The following AKAP6 variants were observed in gnomAD, a reference collection of about 807,000 sequenced individuals.
The protein encoded by AKAP6 is A-kinase anchoring protein 6, also known as A-kinase anchor protein 6.
Under a neutral mutation model 188.5 loss-of-function variants are expected in AKAP6, and 58 were observed. That is an observed-to-expected ratio of 0.31 (90% CI 0.25 to 0.38). The LOEUF (loss-of-function observed/expected upper bound fraction) is 0.38. Among genes scored for constraint, AKAP6 ranks in the 10% least tolerant of loss-of-function variants. AKAP6 has a pLI of 1.00. For synonymous variants in AKAP6, 989 were observed against 998.6 expected, an observed-to-expected ratio of 0.99 and a Z score of 0.18; for missense variants, 2,710 against 2,740.0, an observed-to-expected ratio of 0.99 and a Z score of 0.24.
chr14:32,478,516 G>T (rs1351472260), intron 2 of AKAP6, among the ~76,000 whole-genome samples: 1 of 152,076 alleles, frequency 6.6e-6, no homozygotes, highest in Non-Finnish European at 1.5e-5. Flanking sequence ...ACCAAATGTG[G>T]TAAAAGACAC....
intron 7 of AKAP6, among the ~76,000 whole-genome samples, chr14:32,643,480 G>A (rs1056111130): frequency 2.0e-5 from 3 of 151,818 alleles, no homozygotes; most frequent in Non-Finnish European, 4.4e-5. Context: ...GCTAATTTTT[G>A]TATCTTTAGT....
intron 2 of AKAP6, among the ~76,000 whole-genome samples, chr14:32,505,566 T>C (rs1406696419): frequency 2.0e-5 from 3 of 152,158 alleles, no homozygotes; most frequent in East Asian, 1.9e-4. Flanking sequence ...CCAAGCCATA[T>C]TGGAGCCTAA....
chr14:32,730,420 T>C (rs1412103759), intron 9 of AKAP6, among the ~76,000 whole-genome samples: 2 of 152,178 alleles, frequency 1.3e-5, no homozygotes, highest in Non-Finnish European at 2.9e-5. Flanking sequence ...ACAGAGAAGA[T>C]TGGTTTATTA....
In AKAP6 at chr14:32,516,647, A is replaced by G. The variant is rs528282725; in HGVS notation, c.325-18907A>G. 8.4e-4 allele frequency among the ~76,000 whole-genome samples: 128 copies of G among 152,312 alleles called. 1 individual carries two copies. Among genetic ancestry groups the G allele is most frequent in the African/African-American group, 2.9e-3 (119 of 41,570 alleles). On this transcript the variant is annotated intron_variant, in intron 2 of 13. Transcript: ENST00000280979. ...AGATCTTCTAATTCTATTACCACAA[A>G]TTTTTGGGGTGGAAGAAAGGAAATA... is the stretch of plus-strand genomic sequence containing the variant.
intron 2 of AKAP6, among the ~76,000 whole-genome samples, chr14:32,439,351 TTC>T (rs1425132867): frequency 6.6e-5 from 10 of 152,268 alleles, no homozygotes; most frequent in African/African-American, 2.2e-4. Context: ...TAGGAGAGGA[TTC>T]TCTGTCACCA....
chr14:32,463,415 G>T (rs1891420547), intron 2 of AKAP6, among the ~76,000 whole-genome samples: 1 of 152,198 alleles, frequency 6.6e-6, no homozygotes, highest in South Asian at 2.1e-4. Flanking sequence ...AGACCACAGT[G>T]AAATCAAATT....
At chr14:32,582,355 G>C (rs1307949850) in intron 5 of AKAP6, among the ~76,000 whole-genome samples, 1 of 151,784 alleles carries the variant, frequency 6.6e-6, no homozygotes, top group Non-Finnish European at 1.5e-5. Context: ...AGTTTCTGCC[G>C]AGAGATCCGC....
chr14:32,522,854 G>A (rs1222520192), intron 2 of AKAP6, among the ~76,000 whole-genome samples: 1 of 151,506 alleles, frequency 6.6e-6, no homozygotes, highest in Non-Finnish European at 1.5e-5. Context: ...ATACCCAAAG[G>A]ATTATAAAGA....
At chr14:32,373,603 C>T (rs1479544030) in intron 1 of AKAP6, 1 of 152,082 alleles carries the variant, frequency 6.6e-6, no homozygotes, top group Non-Finnish European at 1.5e-5. Context: ...CAATCTAGTC[C>T]CCAGGCAAGA....
At chr14:32,658,617 C>G (rs1340045200) in intron 7 of AKAP6, among the ~76,000 whole-genome samples, 1 of 151,418 alleles carries the variant, frequency 6.6e-6, no homozygotes, top group Non-Finnish European at 1.5e-5. Flanking sequence ...GCAATGGGTT[C>G]AATTTTCAAA....
At position 32,546,974 on chromosome 14, in the gene AKAP6, A is replaced by T. The variant is rs1423996686; in HGVS notation, c.2321A>T (p.Tyr774Phe). ...CAAGATATTCAGCACCAAGACAACT[A>T]TGAAGCCATATGGGAAAAAATAGAG... ...LMQDIQHQDN[Y>F]EAIWEKIEGF... Residue 774 changes from tyrosine (Y) to phenylalanine (F), a missense_variant, in exon 4 of 14, where the codon TAT becomes TTT. Tyr to Phe is a conservative substitution (Grantham distance 22, BLOSUM62 3). Coordinates refer to ENST00000280979, the MANE Select transcript of AKAP6 (RefSeq NM_004274.5). 6.3e-7 allele frequency: 1 copy of T among 1,599,040 alleles called. No individual in the cohort carries two copies. Among genetic ancestry groups the T allele is most frequent in the African/African-American group, 1.3e-5 (1 of 74,584 alleles).
chr14:32,530,847 G>A (rs141814428), intron 2 of AKAP6, among the ~76,000 whole-genome samples: 4 of 152,052 alleles, frequency 2.6e-5, no homozygotes, highest in Middle Eastern at 3.4e-3. Flanking sequence ...AAAAGGAAAA[G>A]GTACCCCTCT....
intron 9 of AKAP6, among the ~76,000 whole-genome samples, chr14:32,709,278 A>G (rs1002703546): frequency 6.6e-6 from 1 of 151,928 alleles, no homozygotes; most frequent in Non-Finnish European, 1.5e-5. Flanking sequence ...TTCAGGAAAT[A>G]GTTCCAGAAA....
At chr14:32,793,151 T>G (rs2033659783) in intron 12 of AKAP6, among the ~76,000 whole-genome samples, 1 of 152,148 alleles carries the variant, frequency 6.6e-6, no homozygotes, top group Admixed American at 6.6e-5. Context: ...ATCATCATGA[T>G]GAAAGGATCA....
chr14:32,425,623 A>G (rs982055772), intron 1 of AKAP6, among the ~76,000 whole-genome samples: 1 of 151,382 alleles, frequency 6.6e-6, no homozygotes, highest in Non-Finnish European at 1.5e-5. Context: ...GGAAGGAAGG[A>G]AGGAGAGGAA....
At chr14:32,364,099 G>A (rs556202292) in intron 1 of AKAP6, among the ~76,000 whole-genome samples, 85 of 152,144 alleles carry the variant, frequency 5.6e-4, no homozygotes, top group Non-Finnish European at 1.0e-3. Flanking sequence ...AAGCAAGCGT[G>A]GCGTGGTAAG....
chr14:32,623,303 A>G (rs1566610708), intron 7 of AKAP6, among the ~76,000 whole-genome samples: 3 of 152,160 alleles, frequency 2.0e-5, no homozygotes, highest in Non-Finnish European at 4.4e-5. Flanking sequence ...ATTAACATGT[A>G]TTTAGAGATC....
intron 11 of AKAP6, among the ~76,000 whole-genome samples, chr14:32,758,005 A>G (rs2032402754): frequency 1.3e-5 from 2 of 152,226 alleles, no homozygotes; most frequent in Admixed American, 1.3e-4. Context: ...TTATTCAAAT[A>G]TGTGTACTTA....
chr14:32,573,690 G>A (rs895383922), intron 4 of AKAP6, among the ~76,000 whole-genome samples: 14 of 152,118 alleles, frequency 9.2e-5, no homozygotes, highest in Admixed American at 6.5e-4. Context: ...ACCAATATTT[G>A]TTGCATTAGG....
Sources: allele counts gnomAD v4.1 joint callset (sites outside exome capture counted in the v4.1 genomes callset), GRCh38; gene constraint gnomAD v4.1.1; transcripts MANE v1.5; gene names NCBI Gene and HGNC (gene_info 2026-07-23, HGNC 2026-07-21).